The following TRPM3 variants were observed in gnomAD, a reference collection of about 807,000 sequenced individuals.
The protein encoded by TRPM3 is transient receptor potential cation channel subfamily M member 3.
TRPM3 carries 77 observed loss-of-function variants against 181.2 expected under a neutral mutation model. That is an observed-to-expected ratio of 0.42 (90% CI 0.35 to 0.51). The LOEUF is 0.51. Ranked by LOEUF, TRPM3 falls within the 20% of genes least tolerant of loss-of-function variation. The pLI is 0.01. For synonymous variants in TRPM3, 745 were observed against 796.4 expected (o/e 0.94, Z 1.09); for missense variants, 1,759 against 2,196.7 (o/e 0.80, Z 3.98).
At chr9:71,187,203 A>G (rs2077729918) in intron 1 of TRPM3, among the ~76,000 whole-genome samples, 1 of 152,040 alleles carries the variant, frequency 6.6e-6, no homozygotes, top group Admixed American at 6.6e-5. Context: ...CATTTAAATT[A>G]AATTATCCCC....
intron 19 of TRPM3, among the ~76,000 whole-genome samples, chr9:70,603,836 T>C (rs2132793439): frequency 6.6e-6 from 1 of 152,290 alleles, no homozygotes; most frequent in Non-Finnish European, 1.5e-5. Context: ...CTTAGGTTCT[T>C]AAACTAGGGC....
intron 1 of TRPM3, among the ~76,000 whole-genome samples, chr9:70,909,074 T>A (rs1187446007): frequency 6.6e-6 from 1 of 152,198 alleles, no homozygotes; most frequent in Non-Finnish European, 1.5e-5. Context: ...CACAATAGCA[T>A]GAACTGCAGG....
At chr9:70,741,475 C>G (rs2074074315) in intron 8 of TRPM3, among the ~76,000 whole-genome samples, 2 of 152,144 alleles carry the variant, frequency 1.3e-5, no homozygotes, top group East Asian at 3.9e-4. Context: ...TACTGGGTAT[C>G]TACCCAGATG....
intron 11 of TRPM3, 115 bp downstream of exon 11, chr9:70,638,945 A>T (rs2133548847): frequency 8.3e-7 from 1 of 1,205,478 alleles, no homozygotes; most frequent in South Asian, 1.5e-5. Context: ...TTTGTGATGA[A>T]TGAACCATGC....
chr9:71,272,505 A>G (rs1451736517), intron 1 of TRPM3, among the ~76,000 whole-genome samples: 1 of 152,114 alleles, frequency 6.6e-6, no homozygotes, highest in Admixed American at 6.5e-5. Context: ...GTATTTATTC[A>G]TTTGATAAGC....
At chr9:71,424,810 TC>T (rs1168028003) in intron 1 of TRPM3, among the ~76,000 whole-genome samples, 1 of 152,134 alleles carries the variant, frequency 6.6e-6, no homozygotes, top group Non-Finnish European at 1.5e-5. Flanking sequence ...CTGTCTCATT[TC>T]TCCTGCTCCC....
At chr9:70,638,251 G>A (rs117197173) in intron 11 of TRPM3, among the ~76,000 whole-genome samples, 1,585 of 152,282 alleles carry the variant, frequency 0.01, 28 homozygotes, top group Non-Finnish European at 0.013. Context: ...GAACTTGCCA[G>A]AGCCTTGATT....
chr9:70,572,670 T>C (rs2052769066), intron 22 of TRPM3, among the ~76,000 whole-genome samples: 1 of 152,206 alleles, frequency 6.6e-6, no homozygotes, highest in Non-Finnish European at 1.5e-5. Flanking sequence ...TATGGGTTTT[T>C]GGAAAAAAAT....
At chr9:70,749,063 G>T (rs1298706794) in intron 8 of TRPM3, among the ~76,000 whole-genome samples, 1 of 151,808 alleles carries the variant, frequency 6.6e-6, no homozygotes, top group Non-Finnish European at 1.5e-5. Flanking sequence ...ATAGGGTTTT[G>T]CTATGTTGCC....
rs186368341 is a variant in TRPM3 at position 70,583,301 on chromosome 9, C to T, written c.3223+7730G>A. On this transcript the variant is annotated intron_variant, in intron 22 of 25. Coordinates refer to ENST00000677713, the MANE Select transcript of TRPM3 (RefSeq NM_001366145.2). ...TGAGAGTGTATGAGAGTGAACGCTA[C>T]ACTTCATAGCTTGCGCATGCTTTGC... Among the ~76,000 whole-genome samples, 3 of 152,348 alleles carry T rather than the reference C, an allele frequency of 2.0e-5. No individual in the cohort carries two copies. The East Asian group carries it at 5.8e-4, about 29-fold the overall frequency.
At chr9:71,037,024 T>C (rs76499379) in intron 1 of TRPM3, among the ~76,000 whole-genome samples, 2,165 of 152,278 alleles carry the variant, frequency 0.014, 40 homozygotes, top group African/African-American at 0.05. Context: ...GTTGCCACAC[T>C]AAAACAGCTT....
intron 18 of TRPM3, among the ~76,000 whole-genome samples, chr9:70,612,540 T>G (rs912275360): frequency 6.6e-6 from 1 of 152,244 alleles, no homozygotes; most frequent in African/African-American, 2.4e-5. Flanking sequence ...CTCAACTATG[T>G]AATAATCACA....
intron 8 of TRPM3, among the ~76,000 whole-genome samples, chr9:70,697,049 GAGA>G (rs757230129): frequency 6.6e-6 from 1 of 152,030 alleles, no homozygotes; most frequent in South Asian, 2.1e-4. Flanking sequence ...AGGGCCACTC[GAGA>G]AGAAGAAGCA....
At chr9:71,038,151 C>T (rs537175152) in intron 1 of TRPM3, among the ~76,000 whole-genome samples, 1 of 152,310 alleles carries the variant, frequency 6.6e-6, no homozygotes, top group African/African-American at 2.4e-5. Context: ...CCATGGACTG[C>T]TTTGCACTTT....
At chr9:71,237,124 G>A (rs1378137096) in intron 1 of TRPM3, among the ~76,000 whole-genome samples, 1 of 150,756 alleles carries the variant, frequency 6.6e-6, no homozygotes, top group Non-Finnish European at 1.5e-5. Flanking sequence ...AAAAGGAAAA[G>A]AAGAAAAGGA....
intron 1 of TRPM3, among the ~76,000 whole-genome samples, chr9:71,290,192 G>A (rs541458551): frequency 6.6e-6 from 1 of 152,076 alleles, no homozygotes; most frequent in Non-Finnish European, 1.5e-5. Context: ...ACGTGAAAAG[G>A]TAATGTGACG....
intron 1 of TRPM3, among the ~76,000 whole-genome samples, chr9:70,903,635 C>T (rs1047770167): frequency 2.4e-4 from 37 of 151,932 alleles, no homozygotes; most frequent in Admixed American, 2.0e-3. Flanking sequence ...AATGTAAAAG[C>T]AAAATGTCTA....
chr9:71,330,673 C>T (rs868841681), intron 1 of TRPM3, among the ~76,000 whole-genome samples: 32 of 151,736 alleles, frequency 2.1e-4, no homozygotes, highest in African/African-American at 7.8e-4. Flanking sequence ...ATTTAATATA[C>T]CCAGTGTGAA....
rs895366278 is a variant in TRPM3 at position 71,196,846 on chromosome 9, G to A, written c.183+249807C>T. Among the ~76,000 whole-genome samples, 3 of 150,674 alleles carry A rather than the reference G, an allele frequency of 2.0e-5. No individual in the cohort carries two copies. The East Asian group carries it at 5.9e-4, about 30-fold the overall frequency. ...AAACTGTTTGCTCTAAAGCAGGATG[G>A]AGTATAAATTGGGCCTTTCTTTTTA... On this transcript the variant is annotated intron_variant, in intron 1 of 24. Transcript: ENST00000357533.
Sources: gnomAD v4.1 joint callset for allele counts (sites outside exome capture counted in the v4.1 genomes callset) on GRCh38, gnomAD v4.1.1 for gene constraint, MANE v1.5 for transcripts, NCBI Gene and HGNC (gene_info 2026-07-23, HGNC 2026-07-21) for gene names.